Variants in PKD2 observed in about 807,000 individuals in gnomAD.
PKD2 encodes the protein polycystin-2.
PKD2 carries 48 observed loss-of-function variants against 105.9 expected under a neutral mutation model. That is an observed-to-expected ratio of 0.45 (90% CI 0.36 to 0.58). The LOEUF is 0.58. Ranked by LOEUF, PKD2 falls within the 20% of genes least tolerant of loss-of-function variation. The probability of loss-of-function intolerance (pLI) is 0.00; values close to 1 mark genes in which losing one functional copy is unlikely to be tolerated. For synonymous variants in PKD2, 464 were observed against 481.1 expected, an observed-to-expected ratio of 0.96 and a Z score of 0.46; for missense variants, 1,078 against 1,255.3, an observed-to-expected ratio of 0.86 and a Z score of 2.13.
rs1311879115 is a variant in PKD2, at chr4:88,075,476, G to A, written c.2689G>A (p.Asp897Asn). 3.1e-6 allele frequency: 5 copies of A among 1,614,012 alleles called. No individual in the cohort carries two copies. The highest frequency in any genetic ancestry group is 2.2e-5 in the East Asian group (1 of 44,890). ...TTTTTAGGATGAAAGGCTGGGTCGT[G>A]ACAGTGAAATCCATAGGGAACAGAT... is the stretch of plus-strand genomic sequence containing the variant. ...GVAEDERLGR[D>N]SEIHREQMER... The change falls in exon 15 of 15, where the codon GAC (aspartate) becomes AAC (asparagine). Residue 897 changes from aspartate (D) to asparagine (N), a missense_variant. This residue lies in a region of PKD2 where 868 missense variants were observed against 1,067.3 expected (regional missense o/e 0.81). Transcript: ENST00000237596.
intron 2 of PKD2, among the ~76,000 whole-genome samples, chr4:88,021,517 A>G (rs377742043): frequency 1.3e-5 from 2 of 152,154 alleles, no homozygotes; most frequent in East Asian, 3.9e-4. Context: ...GGAATATTGT[A>G]GAATCTCTAC....
chr4:88,070,599 T>TAGAGAGAGAGAG (rs1267235364), intron 13 of PKD2, among the ~76,000 whole-genome samples: 36 of 98,264 alleles, frequency 3.7e-4, no homozygotes, highest in Non-Finnish European at 5.4e-4. Context: ...TATATATATA[T>TAGAGAGAGAGAG]ATAGAGAGAG....
intron 8 of PKD2, among the ~76,000 whole-genome samples, chr4:88,057,388 A>G (rs115319393): frequency 2.2e-3 from 334 of 151,398 alleles, no homozygotes; most frequent in African/African-American, 7.0e-3. Flanking sequence ...ATGTGTTGAA[A>G]TGTTATAGCC....
intron 2 of PKD2, among the ~76,000 whole-genome samples, chr4:88,024,319 T>C (rs1211708812): frequency 2.0e-5 from 3 of 151,680 alleles, no homozygotes; most frequent in Admixed American, 2.0e-4. Flanking sequence ...TAGCCGGGTA[T>C]GTTGGCATGC....
chr4:88,032,359 G>C (rs1727190715), intron 2 of PKD2, among the ~76,000 whole-genome samples: 1 of 152,150 alleles, frequency 6.6e-6, no homozygotes, highest in African/African-American at 2.4e-5. Context: ...AGGCAGGTTG[G>C]TGGTTGTTAA....
intron 13 of PKD2, among the ~76,000 whole-genome samples, chr4:88,071,470 C>T (rs1721030373): frequency 6.6e-6 from 1 of 150,832 alleles, no homozygotes; most frequent in African/African-American, 2.4e-5. Context: ...CATCTGGGCC[C>T]TCTCAAAGAC....
chr4:88,022,660 A>G (rs1167954228), intron 2 of PKD2, among the ~76,000 whole-genome samples: 4 of 152,234 alleles, frequency 2.6e-5, no homozygotes, highest in African/African-American at 9.6e-5. Flanking sequence ...CAGCAATGTC[A>G]ATATCAAATG....
intron 14 of PKD2, 67 bp from the exon 15 acceptor site, chr4:88,075,391 G>A (rs1721193387): frequency 9.2e-7 from 1 of 1,091,060 alleles, no homozygotes; most frequent in Admixed American, 1.7e-5. Context: ...CAGATTATTT[G>A]GTCCCTGGAC....
At position 88,074,904 on chromosome 4, in the gene PKD2, G is replaced by A. The variant is rs748241808; in HGVS notation, c.2615G>A (p.Arg872Gln). ...ATCGTGAAGCTAGAGATTATGGAGC[G>A]AGCCAAACTGAAGAGGAGGGAGGTG... ...AVIVKLEIME[R>Q]AKLKRREVLG... The change falls in exon 14 of 15, where the codon CGA becomes CAA. Residue 872 changes from arginine (R) to glutamine (Q), a missense_variant. Around this residue, in one of 2 missense-constraint regions of PKD2, gnomAD observed 868 missense variants for 1,067.3 expected, o/e 0.81. Transcript: ENST00000237596. 1.3e-5 allele frequency: 21 copies of A among 1,614,082 alleles called. No homozygotes were observed. Among genetic ancestry groups the A allele is most frequent in the East Asian group, 8.9e-5 (4 of 44,892 alleles).
intron 1 of PKD2, among the ~76,000 whole-genome samples, chr4:88,019,086 A>G (rs370603175): frequency 1.3e-5 from 2 of 152,230 alleles, no homozygotes; most frequent in Non-Finnish European, 2.9e-5. Context: ...GGTTGTATCC[A>G]CCTCAAATAG....
intron 10 of PKD2, among the ~76,000 whole-genome samples, chr4:88,065,049 T>C (rs2110137600): frequency 6.6e-6 from 1 of 152,310 alleles, no homozygotes; most frequent in South Asian, 2.1e-4. Context: ...CTAAGAACTG[T>C]TGCACAGTAC....
At chr4:88,072,691 C>T (rs1721077121) in intron 13 of PKD2, among the ~76,000 whole-genome samples, 1 of 152,104 alleles carries the variant, frequency 6.6e-6, no homozygotes. Context: ...GAAGAGAGCC[C>T]CATTCCCCTT....
intron 9 of PKD2, among the ~76,000 whole-genome samples, chr4:88,059,887 A>G (rs1329655665): frequency 6.6e-6 from 1 of 152,128 alleles, no homozygotes; most frequent in African/African-American, 2.4e-5. Flanking sequence ...ATTGCCTGGT[A>G]TTAGTTTATT....
chr4:88,008,626 C>T (rs1726278103), intron 1 of PKD2, among the ~76,000 whole-genome samples: 1 of 151,666 alleles, frequency 6.6e-6, no homozygotes, highest in South Asian at 2.1e-4. Flanking sequence ...AAGAGTACAT[C>T]TGGGTTTTGT....
At chr4:88,056,919 A>G (rs1367733608) in intron 8 of PKD2, among the ~76,000 whole-genome samples, 4 of 152,160 alleles carry the variant, frequency 2.6e-5, no homozygotes, top group Non-Finnish European at 5.9e-5. Context: ...CATTTTAAGT[A>G]CTTGTCAGAA....
At chr4:88,024,767 G>T (rs146661763) in intron 2 of PKD2, among the ~76,000 whole-genome samples, 1 of 151,960 alleles carries the variant, frequency 6.6e-6, no homozygotes. Context: ...CATCACAAAG[G>T]GTTAATATTT....
chr4:88,020,403 A>T (rs947389293), intron 2 of PKD2, among the ~76,000 whole-genome samples: 2 of 152,146 alleles, frequency 1.3e-5, no homozygotes, highest in African/African-American at 4.8e-5. Context: ...TCCACAAGAA[A>T]CTTGCTATAG....
At chr4:88,024,528 A>G (rs1465914289) in intron 2 of PKD2, among the ~76,000 whole-genome samples, 1 of 151,444 alleles carries the variant, frequency 6.6e-6, no homozygotes, top group Non-Finnish European at 1.5e-5. Context: ...GAAAAAATGC[A>G]AGGAAGGTAT....
chr4:88,030,592 TC>T (rs1316373760), intron 2 of PKD2, among the ~76,000 whole-genome samples: 6 of 152,214 alleles, frequency 3.9e-5, no homozygotes, highest in Non-Finnish European at 8.8e-5. Flanking sequence ...CACTGTCCTT[TC>T]TGTCATTCTA....
Sources: allele counts gnomAD v4.1 joint callset (sites outside exome capture counted in the v4.1 genomes callset), GRCh38; gene constraint gnomAD v4.1.1; regional missense constraint gnomAD v4.1.1; transcripts MANE v1.5; gene names NCBI Gene and HGNC (gene_info 2026-07-23, HGNC 2026-07-21).